Variants in ALG6 observed in about 807,000 individuals in gnomAD.
The protein encoded by ALG6 is ALG6 alpha-1,3-glucosyltransferase, also known as dolichyl pyrophosphate Man9GlcNAc2 alpha-1,3-glucosyltransferase.
A neutral mutation model predicts 66.6 loss-of-function variants in ALG6; 46 were observed. That is an observed-to-expected ratio of 0.69 (90% confidence interval 0.55 to 0.88). ALG6 has a LOEUF of 0.88. Among genes scored for constraint, ALG6 ranks in the 40% least tolerant of loss-of-function variants. The pLI, the probability that ALG6 is intolerant of heterozygous loss-of-function variation, is 0.00. For synonymous variants in ALG6, 185 were observed against 203.7 expected, an observed-to-expected ratio of 0.91 and a Z score of 0.78; for missense variants, 505 against 586.8, an observed-to-expected ratio of 0.86 and a Z score of 1.44.
At chr1:63,423,551 C>A (rs562556332) in intron 12 of ALG6, among the ~76,000 whole-genome samples, 1 of 152,256 alleles carries the variant, frequency 6.6e-6, no homozygotes, top group African/African-American at 2.4e-5. Context: ...AATCTGCTTT[C>A]TGCAAATCTC....
chr1:63,382,246 G>T (rs1648337967), intron 2 of ALG6, among the ~76,000 whole-genome samples: 2 of 151,202 alleles, frequency 1.3e-5, no homozygotes, highest in Admixed American at 1.3e-4. Flanking sequence ...GTGTCGCCCA[G>T]AGTGGAGTGC....
chr1:63,385,200 T>C (rs1166414452), intron 2 of ALG6, among the ~76,000 whole-genome samples: 8 of 118,010 alleles, frequency 6.8e-5, no homozygotes, highest in Admixed American at 1.7e-4. Flanking sequence ...TTTTTTTTTT[T>C]TTTTTTTTTT....
intron 14 of ALG6, among the ~76,000 whole-genome samples, chr1:63,432,312 A>T (rs1191376104): frequency 6.7e-6 from 1 of 148,384 alleles, no homozygotes; most frequent in African/African-American, 2.5e-5. Context: ...TGATTTTTGT[A>T]TGTTACACTA....
At chr1:63,398,736 A>G (rs1249761919) in intron 3 of ALG6, among the ~76,000 whole-genome samples, 3 of 152,100 alleles carry the variant, frequency 2.0e-5, no homozygotes, top group Non-Finnish European at 2.9e-5. Flanking sequence ...CGGCCTCCCA[A>G]AGTGCTGGGA....
intron 2 of ALG6, among the ~76,000 whole-genome samples, chr1:63,390,028 C>T (rs1648620959): frequency 1.3e-5 from 2 of 152,182 alleles, no homozygotes; most frequent in Admixed American, 6.5e-5. Context: ...CTACATCAGA[C>T]CTGAAGCTAG....
chr1:63,429,154 A>AT, intron 14 of ALG6, 28 bp downstream of exon 14: 1 of 1,476,574 alleles, frequency 6.8e-7, no homozygotes, highest in South Asian at 1.2e-5. Flanking sequence ...GAAATGACAC[A>AT]TTTTTCAGCA....
chr1:63,400,299 ATATATATGTATATATATATACG>A (rs1557587756), intron 3 of ALG6, among the ~76,000 whole-genome samples: 641 of 26,238 alleles, frequency 0.024, 80 homozygotes, highest in Non-Finnish European at 0.028. Flanking sequence ...ATATATACGT[ATATATATGTATATATATATACG>A]TATATATATA....
intron 1 of ALG6, among the ~76,000 whole-genome samples, chr1:63,368,458 C>G (rs1267802065): frequency 6.6e-6 from 1 of 152,006 alleles, no homozygotes; most frequent in African/African-American, 2.4e-5. Context: ...TCCCTGCTCA[C>G]AGGGAGCCTT....
chr1:63,419,007 G>T (rs1570077533), intron 11 of ALG6, among the ~76,000 whole-genome samples: 1 of 152,038 alleles, frequency 6.6e-6, no homozygotes, highest in Non-Finnish European at 1.5e-5. Context: ...TGTTTTGCCG[G>T]TTTTAGATTC....
intron 12 of ALG6, 99 bp from the exon 13 acceptor site, chr1:63,428,634 G>T: frequency 1.1e-6 from 1 of 939,010 alleles, no homozygotes. Context: ...TTAAGCTACC[G>T]CTGAAAATCA....
At chr1:63,421,962 T>C (rs1229163445) in intron 12 of ALG6, among the ~76,000 whole-genome samples, 1 of 148,978 alleles carries the variant, frequency 6.7e-6, no homozygotes. Flanking sequence ...GGCACGTGTA[T>C]ACCTATGTAA....
At chr1:63,368,014 G>T (rs141306756) in intron 1 of ALG6, among the ~76,000 whole-genome samples, 8 of 152,304 alleles carry the variant, frequency 5.3e-5, no homozygotes, top group South Asian at 2.1e-4. Flanking sequence ...GCCCGGGATA[G>T]CTGCACTCCC....
intron 2 of ALG6, among the ~76,000 whole-genome samples, chr1:63,393,428 G>A (rs1025875629): frequency 1.3e-5 from 2 of 152,134 alleles, no homozygotes; most frequent in Non-Finnish European, 2.9e-5. Flanking sequence ...TTCTTATCTG[G>A]TTAGCAGTTA....
At chr1:63,431,583 AT>A (rs925639882) in intron 14 of ALG6, among the ~76,000 whole-genome samples, 6 of 152,080 alleles carry the variant, frequency 3.9e-5, no homozygotes, top group Admixed American at 6.6e-5. Flanking sequence ...CACCCGGCTA[AT>A]TTTTTTAGAG....
intron 9 of ALG6, 56 bp from the exon 10 acceptor site, chr1:63,414,005 G>C: frequency 7.3e-7 from 1 of 1,367,596 alleles, no homozygotes; most frequent in Non-Finnish European, 1.0e-6. Flanking sequence ...TACTTCATGG[G>C]TTTTAATATT....
At chr1:63,419,946 G>A (rs1644565124) in intron 12 of ALG6, among the ~76,000 whole-genome samples, 5 of 152,156 alleles carry the variant, frequency 3.3e-5, no homozygotes, top group Admixed American at 2.6e-4. Flanking sequence ...TTCATAGAAA[G>A]CAGTGGATGA....
At chr1:63,375,251 C>T (rs1021880206) in intron 2 of ALG6, among the ~76,000 whole-genome samples, 5 of 151,590 alleles carry the variant, frequency 3.3e-5, no homozygotes, top group Non-Finnish European at 7.4e-5. Flanking sequence ...TTTTCTTTTT[C>T]TTTTTTCTCC....
chr1:63,381,770 T>C (rs1648317620), intron 2 of ALG6, among the ~76,000 whole-genome samples: 1 of 152,236 alleles, frequency 6.6e-6, no homozygotes, highest in South Asian at 2.1e-4. Context: ...TAATGTGTCA[T>C]TGGAGGTTGG....
intron 1 of ALG6, among the ~76,000 whole-genome samples, chr1:63,369,252 A>T (rs1486447534): frequency 6.6e-6 from 1 of 152,230 alleles, no homozygotes; most frequent in Non-Finnish European, 1.5e-5. Flanking sequence ...TGAGGGGATG[A>T]TTTGAGATTT....
Sources: gnomAD v4.1 joint callset for allele counts (sites outside exome capture counted in the v4.1 genomes callset) on GRCh38, gnomAD v4.1.1 for gene constraint, MANE v1.5 for transcripts, NCBI Gene and HGNC (gene_info 2026-07-23, HGNC 2026-07-21) for gene names.